DLGAP2: variants seen among roughly 807,000 people sequenced by gnomAD.
DLGAP2 encodes disks large-associated protein 2.
In DLGAP2, 26 loss-of-function variants were observed where a neutral mutation model predicts 100.3. The observed-to-expected ratio is 0.26, with a 90% CI of 0.19 to 0.36. DLGAP2 has a LOEUF of 0.36. Among genes scored for constraint, DLGAP2 ranks in the 10% least tolerant of loss-of-function variants. DLGAP2 has a pLI of 1.00. For missense variants in DLGAP2, 1,858 were observed against 1,453.2 expected, an observed-to-expected ratio of 1.28 and a Z score of -4.53; for synonymous variants, 886 against 630.1, an observed-to-expected ratio of 1.41 and a Z score of -6.08.
chr8:1,261,594 C>A (rs1799351977), intron 3 of DLGAP2, among the ~76,000 whole-genome samples: 1 of 152,042 alleles, frequency 6.6e-6, no homozygotes, highest in Non-Finnish European at 1.5e-5. Context: ...GGGTGGGGCT[C>A]CCTGCTCTGG....
At chr8:1,582,078 C>G (rs58641876) in intron 6 of DLGAP2, among the ~76,000 whole-genome samples, 3 of 141,484 alleles carry the variant, frequency 2.1e-5, no homozygotes, top group Non-Finnish European at 4.5e-5. Context: ...AGGATACAGA[C>G]AAAACCCCGC....
At chr8:1,125,381 T>A (rs1347747310) in intron 2 of DLGAP2, among the ~76,000 whole-genome samples, 1 of 152,206 alleles carries the variant, frequency 6.6e-6, no homozygotes, top group East Asian at 1.9e-4. Flanking sequence ...TGGAAAAAAA[T>A]GAGTTTCTTT....
At chr8:1,380,959 A>AC (rs71868742) in intron 3 of DLGAP2, 4 of 147,426 alleles carry the variant, frequency 2.7e-5, no homozygotes, top group Non-Finnish European at 5.9e-5. Flanking sequence ...AAAAAAAAAA[A>AC]ACACCCAAAA....
At chr8:845,859 C>G (rs1293093926) in intron 1 of DLGAP2, among the ~76,000 whole-genome samples, 2 of 152,192 alleles carry the variant, frequency 1.3e-5, no homozygotes, top group African/African-American at 4.8e-5. Context: ...AGGGATCCAA[C>G]TTCTTTCTTT....
chr8:1,375,129 A>AT (rs1802359093), intron 3 of DLGAP2, among the ~76,000 whole-genome samples: 1 of 138,076 alleles, frequency 7.2e-6, no homozygotes, highest in Non-Finnish European at 1.6e-5. Flanking sequence ...GGTTAACGAC[A>AT]CCTCTCCACG....
chr8:1,576,529 A>G (rs1350122902), intron 6 of DLGAP2, among the ~76,000 whole-genome samples: 2 of 152,220 alleles, frequency 1.3e-5, no homozygotes, highest in Non-Finnish European at 2.9e-5. Context: ...TGTTCTACAC[A>G]TGAAGTCCTT....
chr8:1,213,875 C>T (rs1307044545), intron 2 of DLGAP2, among the ~76,000 whole-genome samples: 3 of 152,208 alleles, frequency 2.0e-5, no homozygotes, highest in Non-Finnish European at 4.4e-5. Flanking sequence ...ACATGGCAGA[C>T]TCCGCCCCAT....
chr8:1,466,021 G>A (rs1798617376), intron 3 of DLGAP2, among the ~76,000 whole-genome samples: 1 of 152,212 alleles, frequency 6.6e-6, no homozygotes, highest in Non-Finnish European at 1.5e-5. Flanking sequence ...GAGTCATGAG[G>A]CGGGCACCGT....
rs567256696 is a variant in DLGAP2, at chr8:1,172,114, A to G, written c.74-86737A>G. On this transcript the variant is annotated intron_variant, in intron 2 of 14. Transcript: ENST00000637795. ...AATCTCTCAGCATTTGCTTGTCTGT[A>G]AAGTATTTTATTTCTCCTTCACTTA... 7.9e-5 allele frequency among the ~76,000 whole-genome samples: 12 copies of G among 151,716 alleles called. No homozygotes were observed. The South Asian group carries it at 1.5e-3, about 19-fold the overall frequency.
intron 2 of DLGAP2, among the ~76,000 whole-genome samples, chr8:995,421 A>G (rs2129016889): frequency 6.6e-6 from 1 of 152,370 alleles, no homozygotes; most frequent in Admixed American, 6.5e-5. Context: ...TTTCTAATTA[A>G]CAGTGATTTA....
intron 3 of DLGAP2, among the ~76,000 whole-genome samples, chr8:1,468,584 G>A (rs1798693921): frequency 6.6e-6 from 1 of 152,244 alleles, no homozygotes; most frequent in South Asian, 2.1e-4. Flanking sequence ...CACCAGGTCA[G>A]GACCCCGGCA....
chr8:1,048,478 A>G (rs1802577413), intron 2 of DLGAP2, among the ~76,000 whole-genome samples: 2 of 151,796 alleles, frequency 1.3e-5, no homozygotes, highest in Admixed American at 1.3e-4. Flanking sequence ...TGCTCAGTGA[A>G]TCTCTGGAAG....
At chr8:1,120,976 GT>G (rs1796029134) in intron 2 of DLGAP2, among the ~76,000 whole-genome samples, 1 of 143,498 alleles carries the variant, frequency 7.0e-6, no homozygotes. Context: ...ACCCATCCTC[GT>G]CCCTTCAGAA....
At chr8:983,757 C>T (rs1435872323) in intron 2 of DLGAP2, among the ~76,000 whole-genome samples, 1 of 152,038 alleles carries the variant, frequency 6.6e-6, no homozygotes. Context: ...ATCCTTTCAC[C>T]GCAGCCTCCC....
At chr8:950,296 G>T (rs1799445874) in intron 2 of DLGAP2, among the ~76,000 whole-genome samples, 1 of 152,180 alleles carries the variant, frequency 6.6e-6, no homozygotes, top group Admixed American at 6.5e-5. Context: ...TGATGATTGT[G>T]ATACAATTTG....
At chr8:1,392,788 A>C (rs1796398856) in intron 3 of DLGAP2, among the ~76,000 whole-genome samples, 1 of 143,208 alleles carries the variant, frequency 7.0e-6, no homozygotes, top group South Asian at 2.2e-4. Flanking sequence ...CTTCGGGATA[A>C]TTGCAGCTTG....
At chr8:1,211,451 TA>T (rs1313522598) in intron 2 of DLGAP2, among the ~76,000 whole-genome samples, 4 of 152,260 alleles carry the variant, frequency 2.6e-5, no homozygotes, top group Non-Finnish European at 5.9e-5. Context: ...GAGTTTCAAT[TA>T]AATCCAGAAT....
chr8:1,359,155 C>A (rs1308621657), intron 3 of DLGAP2, among the ~76,000 whole-genome samples: 1 of 152,168 alleles, frequency 6.6e-6, no homozygotes, highest in Admixed American at 6.5e-5. Context: ...GGCCACGTAT[C>A]CCTGCACCAT....
chr8:1,031,473 AC>A (rs755124427), intron 2 of DLGAP2, among the ~76,000 whole-genome samples: 18 of 152,126 alleles, frequency 1.2e-4, no homozygotes, highest in South Asian at 8.3e-4. Flanking sequence ...GTGCAGTGGT[AC>A]AATCACAGCT....
Sources: gnomAD v4.1 joint callset for allele counts (sites outside exome capture counted in the v4.1 genomes callset) on GRCh38, gnomAD v4.1.1 for gene constraint, MANE v1.5 for transcripts, NCBI Gene and HGNC (gene_info 2026-07-23, HGNC 2026-07-21) for gene names.